TRIM2: variants seen among roughly 807,000 people sequenced by gnomAD.
The protein encoded by TRIM2 is tripartite motif-containing protein 2.
In TRIM2, 20 loss-of-function variants were observed where a neutral mutation model predicts 75.2. That is an observed-to-expected ratio of 0.27 (90% CI 0.19 to 0.39). The LOEUF (loss-of-function observed/expected upper bound fraction) is 0.39, where lower values mean the gene tolerates loss of function less well. Ranked by LOEUF, TRIM2 falls within the 10% of genes least tolerant of loss-of-function variation. The pLI, the probability that TRIM2 is intolerant of heterozygous loss-of-function variation, is 1.00. For synonymous variants in TRIM2, 373 were observed against 388.3 expected (o/e 0.96, Z 0.46); for missense variants, 660 against 990.8 (o/e 0.67, Z 4.48).
intron 2 of TRIM2, among the ~76,000 whole-genome samples, chr4:153,271,285 G>A (rs1478895511): frequency 6.6e-6 from 1 of 151,978 alleles, no homozygotes; most frequent in Non-Finnish European, 1.5e-5. Context: ...ATAGCATTTT[G>A]TTAAGTACAT....
chr4:153,232,914 A>T (rs776033947), intron 1 of TRIM2, among the ~76,000 whole-genome samples: 5 of 152,090 alleles, frequency 3.3e-5, no homozygotes, highest in Admixed American at 6.6e-5. Context: ...GGAGACTCAG[A>T]GCTGCAGGTG....
intron 3 of TRIM2, among the ~76,000 whole-genome samples, chr4:153,287,089 C>G (rs1760811763): frequency 6.6e-6 from 1 of 152,018 alleles, no homozygotes; most frequent in Admixed American, 6.6e-5. Flanking sequence ...ATTGATATTC[C>G]TGCCTCAGCC....
intron 1 of TRIM2, among the ~76,000 whole-genome samples, chr4:153,258,383 C>T (rs1752591393): frequency 6.7e-6 from 1 of 149,906 alleles, no homozygotes; most frequent in Non-Finnish European, 1.5e-5. Flanking sequence ...GATAGCATTA[C>T]ACAGGGAAAA....
upstream of TRIM2, chr4:153,152,598 G>A (rs1172739632): frequency 6.6e-6 from 1 of 151,834 alleles, no homozygotes; most frequent in East Asian, 1.9e-4. Flanking sequence ...AACTGCCAAG[G>A]AGCCCCCTCA....
chr4:153,156,042 T>C (rs576143185), intron 1 of TRIM2, among the ~76,000 whole-genome samples: 14 of 152,310 alleles, frequency 9.2e-5, no homozygotes, highest in African/African-American at 3.4e-4. Context: ...GAATATGACA[T>C]CTCCAGATCT....
chr4:153,161,021 G>A (rs894405184), intron 1 of TRIM2, among the ~76,000 whole-genome samples: 2 of 152,164 alleles, frequency 1.3e-5, no homozygotes, highest in Non-Finnish European at 2.9e-5. Flanking sequence ...TCCCTGGGAG[G>A]GAGAGGAAGA....
chr4:153,159,475 A>T (rs1025160945), intron 1 of TRIM2, among the ~76,000 whole-genome samples: 3 of 151,484 alleles, frequency 2.0e-5, no homozygotes, highest in African/African-American at 7.3e-5. Flanking sequence ...TAATTTTTTT[A>T]AATTATTTTT....
intron 1 of TRIM2, among the ~76,000 whole-genome samples, chr4:153,258,495 A>G (rs889754527): frequency 5.3e-5 from 8 of 152,116 alleles, no homozygotes; most frequent in Non-Finnish European, 8.8e-5. Context: ...TTCTACAAGT[A>G]TGCCCCACCC....
intron 1 of TRIM2, among the ~76,000 whole-genome samples, chr4:153,226,773 A>G (rs1168996406): frequency 6.6e-6 from 1 of 152,236 alleles, no homozygotes; most frequent in Non-Finnish European, 1.5e-5. Context: ...TCTCAGATTA[A>G]GACTCCTGAA....
chr4:153,168,905 C>T (rs966913440), intron 1 of TRIM2, among the ~76,000 whole-genome samples: 2 of 152,024 alleles, frequency 1.3e-5, no homozygotes, highest in Admixed American at 1.3e-4. Flanking sequence ...AGCAAGACCC[C>T]GTCTCTACTA....
At chr4:153,157,653 G>A (rs1194886050) in intron 1 of TRIM2, among the ~76,000 whole-genome samples, 2 of 152,102 alleles carry the variant, frequency 1.3e-5, no homozygotes, top group Non-Finnish European at 2.9e-5. Flanking sequence ...TCTTTTCCTG[G>A]AATCATAGAT....
intron 1 of TRIM2, among the ~76,000 whole-genome samples, chr4:153,265,345 T>G (rs1754693189): frequency 6.6e-6 from 1 of 151,796 alleles, no homozygotes; most frequent in Non-Finnish European, 1.5e-5. Flanking sequence ...TGTGTTTTTT[T>G]TTGTTATTTT....
At chr4:153,254,278 C>T (rs936190364) in intron 1 of TRIM2, among the ~76,000 whole-genome samples, 1 of 152,226 alleles carries the variant, frequency 6.6e-6, no homozygotes, top group Non-Finnish European at 1.5e-5. Context: ...ATCTCTCATG[C>T]TCCTGCCAAT....
chr4:153,152,243 T>C (rs1421779227), upstream of TRIM2: 2 of 151,968 alleles, frequency 1.3e-5, no homozygotes, highest in Admixed American at 6.6e-5. Flanking sequence ...GAGAACAGGC[T>C]CTCCGGAGTT....
At chr4:153,332,129 C>T (rs1391697597) in intron 11 of TRIM2, among the ~76,000 whole-genome samples, 2 of 152,030 alleles carry the variant, frequency 1.3e-5, no homozygotes, top group Non-Finnish European at 1.5e-5. Flanking sequence ...AGACATAATA[C>T]CCAAACTATA....
At position 153,248,500 on chromosome 4, in the gene TRIM2, C is replaced by A. The variant is rs1204606292; in HGVS notation, c.31-21835C>A. ...CTAGAGCCCATCCTCTTCTCCACTA[C>A]CGCACCTGAGACTTACTGTGTGTTA... is the stretch of plus-strand genomic sequence containing the variant. On this transcript the variant is annotated intron_variant, in intron 1 of 11. Transcript: ENST00000338700. The surrounding 1 kb of genome is among the most constrained non-coding windows in gnomAD (Gnocchi z 4.0). 6.6e-6 allele frequency among the ~76,000 whole-genome samples: 1 copy of A among 152,216 alleles called. No individual in the cohort carries two copies. Among genetic ancestry groups the A allele is most frequent in the Non-Finnish European group, 1.5e-5 (1 of 68,050 alleles).
chr4:153,247,367 C>T (rs1196184500), intron 1 of TRIM2, among the ~76,000 whole-genome samples: 1 of 152,150 alleles, frequency 6.6e-6, no homozygotes, highest in Non-Finnish European at 1.5e-5. Flanking sequence ...AGGCTGTGTC[C>T]AGCCTGGTGT....
At chr4:153,224,298 A>G (rs868169386) in intron 1 of TRIM2, among the ~76,000 whole-genome samples, 2 of 152,334 alleles carry the variant, frequency 1.3e-5, no homozygotes, top group Middle Eastern at 6.8e-3. Flanking sequence ...TGAAGGATCA[A>G]TTAAAATGAA....
At chr4:153,314,208 CAGG>C (rs1411566743) in intron 6 of TRIM2, among the ~76,000 whole-genome samples, 1 of 144,682 alleles carries the variant, frequency 6.9e-6, no homozygotes, top group African/African-American at 2.9e-5. Context: ...ATCACGAGGT[CAGG>C]AGATCGAGAC....
Sources: gnomAD v4.1 joint callset for allele counts (sites outside exome capture counted in the v4.1 genomes callset) on GRCh38, gnomAD v4.1.1 for gene constraint, Gnocchi (gnomAD v3.1) non-coding constraint, MANE v1.5 for transcripts, NCBI Gene and HGNC (gene_info 2026-07-23, HGNC 2026-07-21) for gene names.